Variants in GLIS3 observed in about 807,000 individuals in gnomAD.
GLIS3 encodes the protein GLIS family zinc finger 3.
A neutral mutation model predicts 78.6 loss-of-function variants in GLIS3; 53 were observed. That is an observed-to-expected ratio of 0.67 (90% CI 0.54 to 0.85). The LOEUF is 0.85. GLIS3 is among the 40% of genes least tolerant of loss of function. GLIS3 has a pLI of 0.00. For missense variants in GLIS3, 1,703 were observed against 1,231.1 expected, an observed-to-expected ratio of 1.38 and a Z score of -5.74; for synonymous variants, 684 against 509.9, an observed-to-expected ratio of 1.34 and a Z score of -4.60.
the GLIS3 span, among the ~76,000 whole-genome samples, chr9:4,355,446 C>T: frequency 6.6e-6 from 1 of 152,120 alleles, no homozygotes; most frequent in South Asian, 2.1e-4. Flanking sequence ...ACAAGCACTT[C>T]TAGGAACAAT....
chr9:3,879,536 G>A lies in GLIS3; in HGVS notation c.2188C>T (p.Pro730Ser), dbSNP rs1208602197. 6.2e-7 allele frequency: 1 copy of A among 1,613,988 alleles called. No homozygotes were observed. Among genetic ancestry groups the A allele is most frequent in the Non-Finnish European group, 8.5e-7 (1 of 1,179,990 alleles). Residue 730 changes from proline (P) to serine (S), a missense_variant, in exon 8 of 11, where the codon CCC becomes TCC. By Grantham distance (74) the Pro-to-Ser change is moderately conservative. Transcript: ENST00000381971. ...GAAGGGTGACTGACAGGATGTGGGGGTGGTACGGCCCCAGCAGCTGTTCCA... is the reference window on the plus strand; with the variant it reads ...GAAGGGTGACTGACAGGATGTGGGGATGGTACGGCCCCAGCAGCTGTTCCA... ...RSGTAAGAVP[P>S]PHPVSHPSPG...
At position 4,118,079 on chromosome 9, in the gene GLIS3, G is replaced by T; in HGVS notation, c.1399C>A (p.His467Asn). 2 of 1,569,706 alleles carry T rather than the reference G, an allele frequency of 1.3e-6. No homozygotes were observed. Among genetic ancestry groups the T allele is most frequent in the Non-Finnish European group, 1.7e-6 (2 of 1,157,676 alleles). Residue 467 changes from histidine to asparagine, a missense_variant, in exon 4 of 11, where the codon CAC becomes AAC. Transcript: ENST00000381971. This position sits in a 1 kb window ranked among gnomAD's most constrained non-coding sequence, Gnocchi z 4.7. ...GGCCCGAGCTCCGGGTGGTGAAGGT[G>T]CGCATGGGCATGGTAAGGGGGTGGG... is the stretch of plus-strand genomic sequence containing the variant. ...GPPPPYHAHA[H>N]LHHPELGPHA...
At chr9:4,015,699 C>G (rs1822374179) in intron 4 of GLIS3, among the ~76,000 whole-genome samples, 1 of 151,852 alleles carries the variant, frequency 6.6e-6, no homozygotes, top group Admixed American at 6.6e-5. Flanking sequence ...ACCAGCCTGG[C>G]CAACAAGGTG....
chr9:3,828,367 A>G lies in GLIS3; in HGVS notation c.2698T>C (p.Ser900Pro). The change falls in exon 11 of 11, where the codon TCT becomes CCT. Residue 900 changes from serine to proline, a missense_variant. Ser to Pro is a moderately conservative substitution (Grantham distance 74). Coordinates refer to ENST00000381971, the MANE Select transcript of GLIS3 (RefSeq NM_001042413.2). ...GCATCTTCAGCCCCGCTGCGGAGAG[A>G]CTCCCCAAAGAGGCTCGAGGAACTT... ...PSSSSSLFGESLRSGAEDATF... is the reference protein window; with the variant it reads ...PSSSSSLFGEPLRSGAEDATF... 6.2e-7 allele frequency: 1 copy of G among 1,613,606 alleles called. No homozygotes were observed. Among genetic ancestry groups the G allele is most frequent in the South Asian group, 1.1e-5 (1 of 91,052 alleles).
chr9:4,443,180 G>C, the GLIS3 span, among the ~76,000 whole-genome samples: 8 of 152,218 alleles, frequency 5.3e-5, no homozygotes, highest in East Asian at 1.5e-3. Flanking sequence ...GAACATTCTA[G>C]AGTCCCTGTT....
At chr9:4,018,569 G>T (rs1337620483) in intron 4 of GLIS3, among the ~76,000 whole-genome samples, 1 of 152,170 alleles carries the variant, frequency 6.6e-6, no homozygotes, top group Non-Finnish European at 1.5e-5. Flanking sequence ...GATCTTGACT[G>T]GGGTTAGTGG....
Position 4,062,066 on chromosome 9 carries a change from C to G in GLIS3, c.1710+55702G>C, listed in dbSNP as rs141738997. Among the ~76,000 whole-genome samples, 963 of 152,292 alleles carry G rather than the reference C, an allele frequency of 6.3e-3. 8 individuals are homozygous for G. The highest frequency in any genetic ancestry group is 0.022 in the African/African-American group (934 of 41,550). ...ATCTTTCCTGGACACAATTTCATTACCACAATATGAAGACTGAATTACTTC... is the reference window on the plus strand; with the variant it reads ...ATCTTTCCTGGACACAATTTCATTAGCACAATATGAAGACTGAATTACTTC... On this transcript the variant is annotated intron_variant, in intron 4 of 10. Transcript: ENST00000381971.
chr9:4,090,399 G>C (rs899659885), intron 4 of GLIS3, among the ~76,000 whole-genome samples: 5 of 151,816 alleles, frequency 3.3e-5, no homozygotes, highest in African/African-American at 1.2e-4. Context: ...CTTGGTTACA[G>C]TACCCAGGAT....
chr9:4,412,596 A>G, the GLIS3 span, among the ~76,000 whole-genome samples: 2 of 152,198 alleles, frequency 1.3e-5, no homozygotes, highest in East Asian at 3.8e-4. Context: ...GGTATTTGGC[A>G]CTGGGTGAAG....
At chr9:4,485,313 C>A in the GLIS3 span, among the ~76,000 whole-genome samples, 1 of 152,122 alleles carries the variant, frequency 6.6e-6, no homozygotes, top group Non-Finnish European at 1.5e-5. Context: ...CCGCGCTCAG[C>A]CCTAAGGTTG....
chr9:4,063,343 G>A (rs1220671766), intron 4 of GLIS3, among the ~76,000 whole-genome samples: 1 of 151,972 alleles, frequency 6.6e-6, no homozygotes, highest in African/African-American at 2.4e-5. Context: ...ACTGCAAAGG[G>A]GATGATATGC....
intron 4 of GLIS3, among the ~76,000 whole-genome samples, chr9:4,083,585 G>A (rs543973908): frequency 2.6e-5 from 4 of 152,274 alleles, no homozygotes; most frequent in Non-Finnish European, 5.9e-5. Flanking sequence ...TCTATAGGTA[G>A]GAACTTTTTA....
At chr9:4,164,672 G>C (rs146322678) in intron 2 of GLIS3, among the ~76,000 whole-genome samples, 1 of 152,244 alleles carries the variant, frequency 6.6e-6, no homozygotes, top group African/African-American at 2.4e-5. Flanking sequence ...CGTTATGTAT[G>C]ATCTAAAATT....
At chr9:4,037,748 G>A (rs747074688) in intron 4 of GLIS3, among the ~76,000 whole-genome samples, 4 of 152,164 alleles carry the variant, frequency 2.6e-5, no homozygotes, top group African/African-American at 4.8e-5. Flanking sequence ...GATTGTCATC[G>A]TGCCCTTATG....
the GLIS3 span, among the ~76,000 whole-genome samples, chr9:4,471,084 C>T: frequency 0.014 from 2,167 of 152,084 alleles, 54 homozygotes; most frequent in African/African-American, 0.05. Context: ...AACTACAAAC[C>T]ACTGCTCAAC....
chr9:4,195,515 G>C (rs543046143), intron 2 of GLIS3, among the ~76,000 whole-genome samples: 1 of 152,204 alleles, frequency 6.6e-6, no homozygotes, highest in African/African-American at 2.4e-5. Flanking sequence ...AATTCTCGCC[G>C]GGCCTCAGCC....
the GLIS3 span, among the ~76,000 whole-genome samples, chr9:4,461,082 A>T: frequency 6.6e-6 from 1 of 152,208 alleles, no homozygotes; most frequent in African/African-American, 2.4e-5. Flanking sequence ...GAATTCTCTA[A>T]CAAGTCTCAG....
At position 4,168,904 on chromosome 9, in the gene GLIS3, G is replaced by C. The variant is rs528150618; in HGVS notation, c.389-42963C>G. On this transcript the variant is annotated intron_variant, in intron 2 of 10. Transcript: ENST00000381971. ...TTTAATCTAGATTCTGTAACTGTTA[G>C]ATAACGAGAAAATTTCATTATGCAA... 7.2e-5 allele frequency among the ~76,000 whole-genome samples: 11 copies of C among 152,274 alleles called. No homozygotes were observed. The South Asian group carries it at 2.3e-3, about 32-fold the overall frequency.
intron 4 of GLIS3, among the ~76,000 whole-genome samples, chr9:4,030,515 A>C (rs987946224): frequency 3.3e-5 from 5 of 152,188 alleles, no homozygotes; most frequent in Non-Finnish European, 7.3e-5. Context: ...ATCTCTGCCA[A>C]GACCAATGTC....
Sources: gnomAD v4.1 joint callset for allele counts (sites outside exome capture counted in the v4.1 genomes callset) on GRCh38, gnomAD v4.1.1 for gene constraint, Gnocchi (gnomAD v3.1) non-coding constraint, MANE v1.5 for transcripts, NCBI Gene and HGNC (gene_info 2026-07-23, HGNC 2026-07-21) for gene names.